The following TDRP variants were observed in gnomAD, a reference collection of about 807,000 sequenced individuals.
TDRP encodes the protein testis development related protein.
TDRP carries 12 observed loss-of-function variants against 10.5 expected under a neutral mutation model. That is an observed-to-expected ratio of 1.15 (90% CI 0.73 to 1.86). The LOEUF is 1.86. TDRP is among the 40% of genes most tolerant of loss of function. The pLI, the probability that TDRP is intolerant of heterozygous loss-of-function variation, is 0.00. For synonymous variants in TDRP, 139 were observed against 95.4 expected (o/e 1.46, Z -2.67); for missense variants, 353 against 229.2 (o/e 1.54, Z -3.49).
chr8:500,586 TAAAC>T (rs1248937868), intron 1 of TDRP, among the ~76,000 whole-genome samples: 2 of 152,252 alleles, frequency 1.3e-5, no homozygotes, highest in East Asian at 1.9e-4. Context: ...CTTGAAATCT[TAAAC>T]AAAATGTCCA....
Position 530,743 on chromosome 8 carries a change from C to T in TDRP, c.108+13907G>A, listed in dbSNP as rs1192067782. On this transcript the variant is annotated intron_variant, in intron 1 of 2. Transcript: ENST00000324079. The stretch of plus-strand genomic sequence containing the variant: ...AGCAGCCCCCAGACATCCAACATAC[C>T]CTTGGTTCTCTCAGCGCTCTGAGTC... 2.6e-5 allele frequency among the ~76,000 whole-genome samples: 4 copies of T among 152,138 alleles called. No individual in the cohort carries two copies. In the South Asian group the frequency reaches 8.3e-4, roughly 32 times the overall value.
At chr8:502,455 A>G (rs1437377270) in intron 1 of TDRP, among the ~76,000 whole-genome samples, 2 of 152,228 alleles carry the variant, frequency 1.3e-5, no homozygotes, top group African/African-American at 4.8e-5. Context: ...TAGCGAGACC[A>G]GGCTCCCACC....
chr8:496,973 C>A (rs1196608866), intron 1 of TDRP, among the ~76,000 whole-genome samples: 1 of 152,198 alleles, frequency 6.6e-6, no homozygotes, highest in African/African-American at 2.4e-5. Context: ...TTTCCTAGGC[C>A]TCCCCAGCCA....
At chr8:535,567 T>C (rs1384669122) in intron 1 of TDRP, among the ~76,000 whole-genome samples, 1 of 152,096 alleles carries the variant, frequency 6.6e-6, no homozygotes, top group Non-Finnish European at 1.5e-5. Flanking sequence ...CTTTGGCTTT[T>C]AACTCCTAAG....
chr8:542,931 C>A (rs1467159790), intron 1 of TDRP, among the ~76,000 whole-genome samples: 1 of 151,554 alleles, frequency 6.6e-6, no homozygotes, highest in Non-Finnish European at 1.5e-5. Flanking sequence ...AACGAAGGCA[C>A]TGCCAGCAAT....
upstream of TDRP, chr8:545,759 G>A (rs1343487348): frequency 6.6e-6 from 1 of 151,988 alleles, no homozygotes; most frequent in African/African-American, 2.4e-5. Flanking sequence ...GGGGCCTGGG[G>A]CGCCGCGGGC....
rs77103073 is a variant in TDRP at position 520,191 on chromosome 8, T to C, written c.108+24459A>G. On this transcript the variant is annotated intron_variant, in intron 1 of 2. Coordinates refer to ENST00000324079, the MANE Select transcript of TDRP (RefSeq NM_001384899.1). Reference sequence around the variant, plus strand: ...GACTACTTTCAATACCTCATGTAAGTAGAACCACGCATTAGTTGTTTTTTT... The same window carrying C: ...GACTACTTTCAATACCTCATGTAAGCAGAACCACGCATTAGTTGTTTTTTT... Among the ~76,000 whole-genome samples the C allele has an allele frequency of 3.3e-5, 5 of 152,346 alleles. No individual in the cohort carries two copies. The East Asian group carries it at 7.7e-4, about 24-fold the overall frequency.
At chr8:540,127 C>G (rs1416971508) in intron 1 of TDRP, among the ~76,000 whole-genome samples, 1 of 152,210 alleles carries the variant, frequency 6.6e-6, no homozygotes, top group East Asian at 1.9e-4. Context: ...GATCTCTGCA[C>G]TTCTTTTCTC....
chr8:505,508 AG>A (rs1801435567), intron 1 of TDRP, among the ~76,000 whole-genome samples: 1 of 152,256 alleles, frequency 6.6e-6, no homozygotes, highest in African/African-American at 2.4e-5. Flanking sequence ...TCCAGACTGC[AG>A]GTGCAGGAAG....
intron 1 of TDRP, among the ~76,000 whole-genome samples, chr8:540,111 T>A (rs1802454105): frequency 6.6e-6 from 1 of 152,252 alleles, no homozygotes; most frequent in Non-Finnish European, 1.5e-5. Flanking sequence ...CCATCCATGT[T>A]GAACAGATCT....
chr8:505,111 C>A (rs1184622705), intron 1 of TDRP, among the ~76,000 whole-genome samples: 1 of 152,176 alleles, frequency 6.6e-6, no homozygotes, highest in South Asian at 2.1e-4. Context: ...ACATTAATTA[C>A]CACATTTGGA....
At chr8:504,703 C>T (rs1286166572) in intron 1 of TDRP, among the ~76,000 whole-genome samples, 1 of 152,230 alleles carries the variant, frequency 6.6e-6, no homozygotes, top group Admixed American at 6.5e-5. Flanking sequence ...TTTGGGTCAA[C>T]AGACTTTGCC....
intron 1 of TDRP, among the ~76,000 whole-genome samples, chr8:506,898 G>A (rs1419083270): frequency 6.6e-6 from 1 of 152,174 alleles, no homozygotes; most frequent in Non-Finnish European, 1.5e-5. Flanking sequence ...TGGAGTCTGT[G>A]GTGAAGTGCA....
At chr8:509,735 C>T (rs1229437867) in intron 1 of TDRP, among the ~76,000 whole-genome samples, 2 of 152,196 alleles carry the variant, frequency 1.3e-5, no homozygotes, top group Admixed American at 6.5e-5. Context: ...TGGCTCCTTG[C>T]TACTTAACGC....
chr8:499,921 A>G (rs1229502526), intron 1 of TDRP, among the ~76,000 whole-genome samples: 1 of 152,238 alleles, frequency 6.6e-6, no homozygotes, highest in African/African-American at 2.4e-5. Context: ...GGTATGGGGC[A>G]TGAAGAAAGT....
In TDRP at chr8:492,471, C is replaced by A; in HGVS notation, c.486G>T (p.Ala162=). The part of the protein sequence containing the change: ...SANSSRWSLR[A]AGRLVSIRRQ... The stretch of plus-strand genomic sequence containing the variant: ...GTCGGATGCTCACCAGCCTCCCTGC[C>A]GCGCGCAGGCTCCACCTGGAGCTGT... The change falls in exon 3 of 3, where the codon GCG becomes GCT. Residue 162 remains alanine, a synonymous_variant. Coordinates refer to ENST00000324079, the MANE Select transcript of TDRP (RefSeq NM_001384899.1). 1.2e-6 allele frequency: 2 copies of A among 1,605,596 alleles called. No homozygotes were observed. The highest frequency in any genetic ancestry group is 1.1e-5 in the South Asian group (1 of 90,466).
At chr8:495,895 AG>A (rs1485675356) in intron 1 of TDRP, among the ~76,000 whole-genome samples, 1 of 152,204 alleles carries the variant, frequency 6.6e-6, no homozygotes, top group Non-Finnish European at 1.5e-5. Flanking sequence ...CCAGGGACTA[AG>A]GGGTCCCACT....
intron 1 of TDRP, among the ~76,000 whole-genome samples, chr8:507,518 G>A (rs1053462338): frequency 1.6e-4 from 24 of 152,118 alleles, no homozygotes; most frequent in African/African-American, 5.3e-4. Context: ...AGCAATTACT[G>A]GAATTTAGCA....
At chr8:533,571 C>T (rs1362188591) in intron 1 of TDRP, among the ~76,000 whole-genome samples, 1 of 152,210 alleles carries the variant, frequency 6.6e-6, no homozygotes, top group East Asian at 1.9e-4. Flanking sequence ...GACGTTTCAT[C>T]GGCATCTTGC....
Sources: allele counts gnomAD v4.1 joint callset (sites outside exome capture counted in the v4.1 genomes callset), GRCh38; gene constraint gnomAD v4.1.1; transcripts MANE v1.5; gene names NCBI Gene and HGNC (gene_info 2026-07-23, HGNC 2026-07-21).